Variants in PPP1R16B observed in about 807,000 individuals in gnomAD.
PPP1R16B encodes protein phosphatase 1 regulatory subunit 16B, also known as protein phosphatase 1 regulatory inhibitor subunit 16B.
A neutral mutation model predicts 61.7 loss-of-function variants in PPP1R16B; 14 were observed. That is an observed-to-expected ratio of 0.23 (90% confidence interval 0.15 to 0.35). The LOEUF (loss-of-function observed/expected upper bound fraction) is 0.35, where lower values mean the gene tolerates loss of function less well. Ranked by LOEUF, PPP1R16B falls within the 10% of genes least tolerant of loss-of-function variation. The pLI is 1.00. For synonymous variants in PPP1R16B, 266 were observed against 305.3 expected, an observed-to-expected ratio of 0.87 and a Z score of 1.34; for missense variants, 547 against 752.5, an observed-to-expected ratio of 0.73 and a Z score of 3.19.
chr20:38,822,774 A>G (rs1209170387), intron 1 of PPP1R16B, among the ~76,000 whole-genome samples: 1 of 152,192 alleles, frequency 6.6e-6, no homozygotes, highest in Non-Finnish European at 1.5e-5. Flanking sequence ...CCCTGAAACT[A>G]GTAGTTACTT....
At chr20:38,910,764 G>A (rs560309856) in intron 10 of PPP1R16B, among the ~76,000 whole-genome samples, 12 of 152,170 alleles carry the variant, frequency 7.9e-5, no homozygotes, top group African/African-American at 2.9e-4. Flanking sequence ...TTGGGAGGCC[G>A]AGGTGGGTGG....
At chr20:38,873,619 G>A (rs2085145215) in intron 2 of PPP1R16B, among the ~76,000 whole-genome samples, 1 of 152,118 alleles carries the variant, frequency 6.6e-6, no homozygotes, top group African/African-American at 2.4e-5. Context: ...CACGCTGTTG[G>A]CAGGAGGCCT....
Position 38,835,993 on chromosome 20 carries a change from T to A in PPP1R16B, c.68T>A (p.Leu23Gln). ...GAGAAGGTGCCCACGCTGGAGCGGCTGCGGGCTGCCCAGAAGCGCCGGGCC... is the reference window on the plus strand; with the variant it reads ...GAGAAGGTGCCCACGCTGGAGCGGCAGCGGGCTGCCCAGAAGCGCCGGGCC... ...LLEKVPTLER[L>Q]RAAQKRRAQQ... Residue 23 changes from leucine (L) to glutamine (Q), a missense_variant, in exon 2 of 11, where the codon CTG (leucine) becomes CAG (glutamine). Transcript: ENST00000299824. 1 of 1,564,716 alleles carries A rather than the reference T, an allele frequency of 6.4e-7. No individual in the cohort carries two copies. Among genetic ancestry groups the A allele is most frequent in the Non-Finnish European group, 8.6e-7 (1 of 1,156,232 alleles).
At chr20:38,824,076 G>A (rs553247459) in intron 1 of PPP1R16B, among the ~76,000 whole-genome samples, 3 of 152,244 alleles carry the variant, frequency 2.0e-5, no homozygotes, top group South Asian at 4.1e-4. Flanking sequence ...TAACCTCTCC[G>A]AGTCCCAGTT....
chr20:38,864,214 A>AATGGGTATG (rs2085075240), intron 2 of PPP1R16B, among the ~76,000 whole-genome samples: 1 of 152,204 alleles, frequency 6.6e-6, no homozygotes, highest in Non-Finnish European at 1.5e-5. Context: ...AGTGACTGCT[A>AATGGGTATG]ATGGGTATGG....
intron 2 of PPP1R16B, among the ~76,000 whole-genome samples, chr20:38,855,015 A>T (rs1178682806): frequency 6.6e-6 from 1 of 152,102 alleles, no homozygotes. Flanking sequence ...TTTTTGCAGC[A>T]ATTTTCATTG....
At chr20:38,852,668 G>A (rs2084976808) in intron 2 of PPP1R16B, among the ~76,000 whole-genome samples, 1 of 149,402 alleles carries the variant, frequency 6.7e-6, no homozygotes, top group Non-Finnish European at 1.5e-5. Context: ...ATTTCTCAGT[G>A]TAGTGAACCC....
At chr20:38,888,885 ACACAC>A (rs2085268155) in intron 2 of PPP1R16B, among the ~76,000 whole-genome samples, 1 of 130,576 alleles carries the variant, frequency 7.7e-6, no homozygotes, top group Admixed American at 7.8e-5. Flanking sequence ...GAACACACAC[ACACAC>A]ACACACACAC....
At chr20:38,817,424 G>A (rs553134228) in intron 1 of PPP1R16B, among the ~76,000 whole-genome samples, 3 of 152,120 alleles carry the variant, frequency 2.0e-5, no homozygotes, top group East Asian at 3.9e-4. Flanking sequence ...AATTAGCCAG[G>A]CATGGTTGTG....
At position 38,902,752 on chromosome 20, in the gene PPP1R16B, G is replaced by A. The variant is rs770094641; in HGVS notation, c.656G>A (p.Gly219Asp). ...IADIHCMIAA[G>D]QDLDWIDAQG... ...GACATCCACTGCATGATCGCAGCGG[G>A]CCAGGACCTGGACTGGATAGATGCC... The change falls in exon 6 of 11, where the codon GGC (glycine) becomes GAC (aspartate). Residue 219 changes from glycine (G) to aspartate (D), a missense_variant. By Grantham distance (94) the Gly-to-Asp change is moderately conservative (BLOSUM62 -1). Coordinates refer to ENST00000299824, the MANE Select transcript of PPP1R16B (RefSeq NM_015568.4). The A allele has an allele frequency of 4.3e-6, 7 of 1,614,248 alleles. No individual in the cohort carries two copies. Among genetic ancestry groups the A allele is most frequent in the East Asian group, 2.2e-5 (1 of 44,888 alleles).
intron 2 of PPP1R16B, among the ~76,000 whole-genome samples, chr20:38,884,087 G>T (rs986901505): frequency 6.6e-6 from 1 of 152,198 alleles, no homozygotes; most frequent in African/African-American, 2.4e-5. Flanking sequence ...GAATAAGCGT[G>T]CCTTTCTCGT....
intron 10 of PPP1R16B, among the ~76,000 whole-genome samples, chr20:38,915,619 G>A (rs2085529496): frequency 6.6e-6 from 1 of 152,116 alleles, no homozygotes; most frequent in African/African-American, 2.4e-5. Flanking sequence ...TGAGTAGCTA[G>A]GATTAGAGGC....
At chr20:38,857,974 A>G (rs1479736450) in intron 2 of PPP1R16B, among the ~76,000 whole-genome samples, 1 of 152,018 alleles carries the variant, frequency 6.6e-6, no homozygotes, top group Non-Finnish European at 1.5e-5. Flanking sequence ...ACAGTTCTGG[A>G]AGCCAGAAAT....
chr20:38,877,106 A>G (rs934224569), intron 2 of PPP1R16B, among the ~76,000 whole-genome samples: 8 of 152,178 alleles, frequency 5.3e-5, no homozygotes, highest in Admixed American at 2.0e-4. Context: ...CATTATATGG[A>G]TGTTTCATAA....
At chr20:38,879,843 G>A (rs951657110) in intron 2 of PPP1R16B, among the ~76,000 whole-genome samples, 3 of 152,204 alleles carry the variant, frequency 2.0e-5, no homozygotes, top group Admixed American at 2.0e-4. Context: ...CTACGTGTCT[G>A]GGGTCCCCTT....
At chr20:38,842,916 T>C (rs1375937662) in intron 2 of PPP1R16B, among the ~76,000 whole-genome samples, 2 of 152,152 alleles carry the variant, frequency 1.3e-5, no homozygotes, top group Non-Finnish European at 2.9e-5. Context: ...AAATCACCCA[T>C]ATTCCCCCTG....
intron 2 of PPP1R16B, among the ~76,000 whole-genome samples, chr20:38,839,228 T>C (rs2084893087): frequency 6.6e-6 from 1 of 152,074 alleles, no homozygotes; most frequent in African/African-American, 2.4e-5. Context: ...CGCGTTCAGT[T>C]TTTTAATCTG....
chr20:38,865,368 C>T lies in PPP1R16B; in HGVS notation c.251-24227C>T, dbSNP rs141348491. Reference sequence around the variant, plus strand: ...GCAGTGGCGCGATCTCGGCTCACTGCGAGCTCCGCCTCCCAGGTTCACGCC... The same window carrying T: ...GCAGTGGCGCGATCTCGGCTCACTGTGAGCTCCGCCTCCCAGGTTCACGCC... On this transcript the variant is annotated intron_variant, in intron 2 of 10. Transcript: ENST00000299824. Among the ~76,000 whole-genome samples the T allele has an allele frequency of 3.1e-3, 476 of 151,850 alleles. 2 individuals are homozygous for T. The highest frequency in any genetic ancestry group is 0.011 in the African/African-American group (437 of 41,392).
chr20:38,861,716 G>T (rs568116589), intron 2 of PPP1R16B, among the ~76,000 whole-genome samples: 2 of 137,286 alleles, frequency 1.5e-5, no homozygotes, highest in South Asian at 2.3e-4. Flanking sequence ...TTGCTCTGTC[G>T]CCCAGACTAG....
Sources: allele counts gnomAD v4.1 joint callset (sites outside exome capture counted in the v4.1 genomes callset), GRCh38; gene constraint gnomAD v4.1.1; transcripts MANE v1.5; gene names NCBI Gene and HGNC (gene_info 2026-07-23, HGNC 2026-07-21).